Variants in KPNA5 observed in about 807,000 individuals in gnomAD.
The protein encoded by KPNA5 is karyopherin subunit alpha 5, also known as importin subunit alpha-6.
In KPNA5, 46 loss-of-function variants were observed where a neutral mutation model predicts 71.3. That is an observed-to-expected ratio of 0.65 (90% CI 0.51 to 0.83). The LOEUF (loss-of-function observed/expected upper bound fraction) is 0.83, where lower values mean the gene tolerates loss of function less well. KPNA5 is among the 40% of genes least tolerant of loss of function. The pLI is 0.00. For synonymous variants in KPNA5, 207 were observed against 201.4 expected (o/e 1.03, Z -0.24); for missense variants, 547 against 628.3 (o/e 0.87, Z 1.38).
chr6:116,692,663 G>T (rs1458559461), intron 4 of KPNA5, among the ~76,000 whole-genome samples: 1 of 151,940 alleles, frequency 6.6e-6, no homozygotes, highest in Admixed American at 6.6e-5. Flanking sequence ...TAAGGTTAGA[G>T]ATATATATTT....
chr6:116,693,962 C>G (rs1224023084), intron 4 of KPNA5, among the ~76,000 whole-genome samples: 37 of 152,208 alleles, frequency 2.4e-4, no homozygotes, highest in African/African-American at 8.4e-4. Context: ...TATGGCTAGC[C>G]AGTTTTCCCA....
chr6:116,703,375 G>A (rs1778302673), intron 6 of KPNA5, among the ~76,000 whole-genome samples: 1 of 151,438 alleles, frequency 6.6e-6, no homozygotes, highest in South Asian at 2.1e-4. Context: ...CGATTCTCCT[G>A]CCTCAGCCTT....
intron 9 of KPNA5, 33 bp downstream of exon 9, chr6:116,722,322 ATGAT>A: frequency 6.7e-7 from 1 of 1,498,404 alleles, no homozygotes. Context: ...TAATAATTGT[ATGAT>A]TGAGATTAAA....
In KPNA5 at chr6:116,732,390, T is replaced by C. The variant is rs1422427097; in HGVS notation, c.*67T>C. On this transcript the variant is annotated 3_prime_UTR_variant, in exon 14 of 14. Transcript: ENST00000368564. ...TCAGGTAACTCCTCTTTGTTGCCAATGTAAGAATGTTTGTTTTTTTACATA... is the reference window on the plus strand; with the variant it reads ...TCAGGTAACTCCTCTTTGTTGCCAACGTAAGAATGTTTGTTTTTTTACATA... 9 of 858,410 alleles carry C rather than the reference T, an allele frequency of 1.0e-5. No individual in the cohort carries two copies. The highest frequency in any genetic ancestry group is 6.1e-5 in the Admixed American group (2 of 32,788). 53.2% of individuals were successfully genotyped at this position (858,410 alleles called of 1,614,324 possible).
In KPNA5 at chr6:116,734,851, TA is replaced by T. The variant is rs1779615239; in HGVS notation, c.*2531del. On this transcript the variant is annotated 3_prime_UTR_variant, in exon 14 of 14. Transcript: ENST00000368564. ...TTGCTTTTCTAAGATTTGTTATATT[TA>T]AATCCAAGAGAAACTATGCCGAAAA... 1.3e-5 allele frequency: 2 copies of T among 151,712 alleles called. No homozygotes were observed. Among genetic ancestry groups the T allele is most frequent in the South Asian group, 4.1e-4 (2 of 4,828 alleles). The allele number at this position is 151,712 out of a possible 1,614,324, so 9.4% of individuals were successfully genotyped here. A position where few individuals can be genotyped will look rare whatever the true frequency, so the allele number is the denominator to read the frequency against.
intron 8 of KPNA5, among the ~76,000 whole-genome samples, chr6:116,716,572 G>A (rs1248023094): frequency 1.3e-5 from 2 of 152,164 alleles, no homozygotes; most frequent in African/African-American, 4.8e-5. Flanking sequence ...ATTGATTTCA[G>A]AAATCTTCTA....
At chr6:116,692,225 T>C (rs1777829912) in intron 3 of KPNA5, 68 bp from the exon 4 acceptor site, 1 of 1,417,082 alleles carries the variant, frequency 7.1e-7, no homozygotes, top group African/African-American at 1.4e-5. Flanking sequence ...ATAACAAATA[T>C]TTATGCATGC....
At chr6:116,721,079 A>C (rs1023805293) in intron 8 of KPNA5, among the ~76,000 whole-genome samples, 1 of 152,192 alleles carries the variant, frequency 6.6e-6, no homozygotes, top group Non-Finnish European at 1.5e-5. Flanking sequence ...TTTAGAGGAC[A>C]GGCCCAGCAG....
chr6:116,729,143 C>T (rs574389681), intron 12 of KPNA5, among the ~76,000 whole-genome samples: 3 of 140,166 alleles, frequency 2.1e-5, no homozygotes, highest in Non-Finnish European at 3.0e-5. Context: ...TTTCTGTCTA[C>T]CCCCATATGA....
intron 12 of KPNA5, among the ~76,000 whole-genome samples, chr6:116,728,960 T>G (rs868048505): frequency 6.6e-6 from 1 of 152,210 alleles, no homozygotes; most frequent in African/African-American, 2.4e-5. Flanking sequence ...ATTCAGAAAT[T>G]AAAGAATTTT....
At chr6:116,730,298 ACTGGTCTCGAGCTC>A (rs1357843923) in intron 13 of KPNA5, among the ~76,000 whole-genome samples, 6 of 151,524 alleles carry the variant, frequency 4.0e-5, no homozygotes, top group African/African-American at 4.8e-5. Flanking sequence ...TGTTGGCTAG[ACTGGTCTCGAGCTC>A]CTGGCCTCAA....
rs1348917642 is a variant in KPNA5 at position 116,733,779 on chromosome 6, G to A, written c.*1456G>A. On this transcript the variant is annotated 3_prime_UTR_variant, in exon 14 of 14. Coordinates refer to ENST00000368564, the MANE Select transcript of KPNA5 (RefSeq NM_001366306.2). ...CTAAGGCAATTTTGATATGATTCAT[G>A]GTCTATTCTTTAAAAAAAGATTTCA... The A allele has an allele frequency of 6.6e-6, 1 of 151,296 alleles. No individual in the cohort carries two copies. Among genetic ancestry groups the A allele is most frequent in the Non-Finnish European group, 1.5e-5 (1 of 67,586 alleles). The allele number at this position is 151,296 out of a possible 1,614,324, so 9.4% of individuals were successfully genotyped here.
At position 116,738,458 on chromosome 6, in the gene KPNA5, C is replaced by A. The variant is rs1779748239; in HGVS notation, c.*6135C>A. 6.6e-6 allele frequency: 1 copy of A among 152,062 alleles called. No homozygotes were observed. Among genetic ancestry groups the A allele is most frequent in the African/African-American group, 2.4e-5 (1 of 41,400 alleles). The allele number at this position is 152,062 out of a possible 1,614,324, so 9.4% of individuals were successfully genotyped here. ...TGGTACCATTCCTTCTGAAACTATT[C>A]CAATCAATAGAAAAAGAGGGAATCC... is the stretch of plus-strand genomic sequence containing the variant. On this transcript the variant is annotated 3_prime_UTR_variant, in exon 14 of 14. Transcript: ENST00000368564.
At chr6:116,688,094 A>G (rs1309141548) in intron 1 of KPNA5, among the ~76,000 whole-genome samples, 1 of 152,130 alleles carries the variant, frequency 6.6e-6, no homozygotes, top group Non-Finnish European at 1.5e-5. Context: ...TCTGCTTGAA[A>G]TGCTTGATTC....
chr6:116,710,304 C>A (rs1778610527), intron 7 of KPNA5, among the ~76,000 whole-genome samples: 1 of 151,528 alleles, frequency 6.6e-6, no homozygotes, highest in African/African-American at 2.4e-5. Context: ...AATATTTTTT[C>A]TTTTGTAACT....
chr6:116,728,622 A>G (rs1036580149), intron 12 of KPNA5, among the ~76,000 whole-genome samples: 1 of 152,162 alleles, frequency 6.6e-6, no homozygotes, highest in African/African-American at 2.4e-5. Flanking sequence ...AGGGCAAATG[A>G]GTGCTCTGGT....
intron 12 of KPNA5, 85 bp downstream of exon 12, chr6:116,726,707 T>A: frequency 1.8e-6 from 2 of 1,113,636 alleles, no homozygotes; most frequent in South Asian, 1.8e-5. Context: ...CTGATGGAAC[T>A]AAAATATTAT....
At chr6:116,701,902 A>G in intron 5 of KPNA5, 117 bp from the exon 6 acceptor site, 1 of 785,240 alleles carries the variant, frequency 1.3e-6, no homozygotes, top group South Asian at 2.3e-5. Context: ...AATGAATCTT[A>G]ATATAAGTCA....
Position 116,736,100 on chromosome 6 carries a change from A to G in KPNA5, c.*3777A>G, listed in dbSNP as rs1779660314. 1 of 151,858 alleles carries G rather than the reference A, an allele frequency of 6.6e-6. No homozygotes were observed. 9.4% of individuals were successfully genotyped at this position (151,858 alleles called of 1,614,324 possible). A position where few individuals can be genotyped will look rare whatever the true frequency, so the allele number is the denominator to read the frequency against. Reference sequence around the variant, plus strand: ...GGAATATTTATTGCTGGAGATAAAGAGGGTCATTTGATAAAGGGATCAATT... The same window carrying G: ...GGAATATTTATTGCTGGAGATAAAGGGGGTCATTTGATAAAGGGATCAATT... On this transcript the variant is annotated 3_prime_UTR_variant, in exon 14 of 14. Transcript: ENST00000368564.
Sources: allele counts gnomAD v4.1 joint callset (sites outside exome capture counted in the v4.1 genomes callset), GRCh38; gene constraint gnomAD v4.1.1; transcripts MANE v1.5; gene names NCBI Gene and HGNC (gene_info 2026-07-23, HGNC 2026-07-21).